The following NOS1AP variants were observed in gnomAD, a reference collection of about 807,000 sequenced individuals.
The protein encoded by NOS1AP is nitric oxide synthase 1 adaptor protein.
NOS1AP carries 21 observed loss-of-function variants against 56.2 expected under a neutral mutation model. The observed-to-expected ratio is 0.37, with a 90% CI of 0.26 to 0.54. NOS1AP has a LOEUF of 0.54. NOS1AP is among the 20% of genes least tolerant of loss of function. The pLI is 0.84. For synonymous variants in NOS1AP, 270 were observed against 274.6 expected (o/e 0.98, Z 0.17); for missense variants, 522 against 657.8 (o/e 0.79, Z 2.26).
Position 162,081,772 on chromosome 1 carries a change from A to AT in NOS1AP, c.105+11491dup, listed in dbSNP as rs1457192130. Among the ~76,000 whole-genome samples the AT allele has an allele frequency of 1.5e-3, 46 of 29,982 alleles. 1 individual carries two copies. The highest frequency in any genetic ancestry group is 4.3e-3 in the African/African-American group (41 of 9,568). 19.7% of individuals were successfully genotyped at this position (29,982 alleles called of 152,430 possible). ...TATCTATAGATATATATATATATAT[A>AT]TATTTTTTTTTTGTAGAGATGGGTT... On this transcript the variant is annotated intron_variant, in intron 1 of 9. Coordinates refer to ENST00000361897, the MANE Select transcript of NOS1AP (RefSeq NM_014697.3).
intron 2 of NOS1AP, among the ~76,000 whole-genome samples, chr1:162,272,710 A>T (rs546225437): frequency 3.3e-5 from 5 of 152,138 alleles, no homozygotes; most frequent in Non-Finnish European, 7.4e-5. Flanking sequence ...CAGAAGGCAG[A>T]GGTGTTCAGA....
At chr1:162,335,227 C>T (rs1360661610) in intron 5 of NOS1AP, among the ~76,000 whole-genome samples, 3 of 152,224 alleles carry the variant, frequency 2.0e-5, no homozygotes, top group African/African-American at 4.8e-5. Context: ...CCTACTGAGA[C>T]CCTAGCTCTT....
chr1:162,318,177 T>G (rs891861715), intron 4 of NOS1AP, among the ~76,000 whole-genome samples: 1 of 152,190 alleles, frequency 6.6e-6, no homozygotes, highest in Non-Finnish European at 1.5e-5. Context: ...GTTTTGTCCC[T>G]TATTTTCTAG....
At chr1:162,364,822 T>G (rs1301622888) in intron 8 of NOS1AP, 1 of 987,866 alleles carries the variant, frequency 1.0e-6, no homozygotes, top group African/African-American at 1.7e-5. Flanking sequence ...GCTGCCTCAC[T>G]AATTTAAAAA....
chr1:162,307,950 A>G (rs1163053592), intron 4 of NOS1AP, among the ~76,000 whole-genome samples: 2 of 152,188 alleles, frequency 1.3e-5, no homozygotes, highest in African/African-American at 2.4e-5. Flanking sequence ...ATGGAGAGGT[A>G]ATGTGTTTTG....
chr1:162,108,745 A>C (rs1033581907), intron 1 of NOS1AP, among the ~76,000 whole-genome samples: 4 of 152,202 alleles, frequency 2.6e-5, no homozygotes, highest in African/African-American at 9.7e-5. Flanking sequence ...CAGGGGGCAG[A>C]GGAATGTGTT....
intron 1 of NOS1AP, among the ~76,000 whole-genome samples, chr1:162,118,996 A>G (rs770649976): frequency 2.6e-5 from 4 of 152,204 alleles, no homozygotes; most frequent in Admixed American, 2.6e-4. Context: ...CTAGGTCCCT[A>G]TGATAAGAGC....
At chr1:162,248,542 T>C (rs1240588620) in intron 2 of NOS1AP, among the ~76,000 whole-genome samples, 2 of 152,206 alleles carry the variant, frequency 1.3e-5, no homozygotes, top group Non-Finnish European at 2.9e-5. Context: ...TGCTCCGCTT[T>C]TACCTGAAAA....
At chr1:162,109,193 T>G (rs1647622367) in intron 1 of NOS1AP, among the ~76,000 whole-genome samples, 2 of 152,144 alleles carry the variant, frequency 1.3e-5, no homozygotes, top group African/African-American at 4.8e-5. Flanking sequence ...TTATTACAGT[T>G]CAAGGTGAGA....
chr1:162,206,401 T>G (rs1652165830), intron 2 of NOS1AP, among the ~76,000 whole-genome samples: 1 of 152,260 alleles, frequency 6.6e-6, no homozygotes, highest in African/African-American at 2.4e-5. Flanking sequence ...AAGTCAAATC[T>G]GTGTCTTCCC....
intron 2 of NOS1AP, among the ~76,000 whole-genome samples, chr1:162,172,087 G>A (rs1377963359): frequency 6.6e-6 from 1 of 152,138 alleles, no homozygotes; most frequent in Non-Finnish European, 1.5e-5. Context: ...GCCTTACTCA[G>A]CCTACCCACT....
intron 4 of NOS1AP, among the ~76,000 whole-genome samples, chr1:162,305,417 C>T (rs1045455946): frequency 2.1e-4 from 32 of 151,210 alleles, no homozygotes; most frequent in African/African-American, 7.6e-4. Context: ...TCCTTTATTA[C>T]AGTATACCTC....
intron 3 of NOS1AP, among the ~76,000 whole-genome samples, chr1:162,299,380 C>T (rs766813265): frequency 2.0e-5 from 3 of 152,034 alleles, no homozygotes; most frequent in Non-Finnish European, 4.4e-5. Context: ...AGGATACATA[C>T]AAAGAAAATT....
At chr1:162,325,926 T>G (rs1362076778) in intron 4 of NOS1AP, among the ~76,000 whole-genome samples, 1 of 151,982 alleles carries the variant, frequency 6.6e-6, no homozygotes, top group Non-Finnish European at 1.5e-5. Flanking sequence ...GATACTGATG[T>G]TGGGAGAACA....
At chr1:162,304,230 C>G (rs1168320393) in intron 4 of NOS1AP, among the ~76,000 whole-genome samples, 2 of 152,114 alleles carry the variant, frequency 1.3e-5, no homozygotes, top group East Asian at 3.9e-4. Context: ...TCCCTCTCTG[C>G]AAATGGATGT....
intron 2 of NOS1AP, among the ~76,000 whole-genome samples, chr1:162,286,005 C>T (rs1198587114): frequency 1.3e-5 from 2 of 152,110 alleles, no homozygotes; most frequent in Non-Finnish European, 2.9e-5. Context: ...AACAGATAGC[C>T]AAGAAGTATC....
At chr1:162,366,974 G>A (rs974439309) in intron 9 of NOS1AP, 78 bp from the exon 10 acceptor site, 8 of 1,563,796 alleles carry the variant, frequency 5.1e-6, no homozygotes, top group Non-Finnish European at 7.0e-6. Context: ...GCAGGGCACG[G>A]GCGGGCAGAA....
chr1:162,159,544 A>G (rs12069336), intron 2 of NOS1AP, among the ~76,000 whole-genome samples: 28,712 of 151,898 alleles, frequency 0.19, 3,234 homozygotes, highest in African/African-American at 0.31. Flanking sequence ...TTTAATAGCT[A>G]GCGCCTTTTT....
In NOS1AP at chr1:162,333,025, A is replaced by T. The variant is rs1656822491; in HGVS notation, c.353A>T (p.Tyr118Phe). 6.2e-7 allele frequency: 1 copy of T among 1,612,124 alleles called. No individual in the cohort carries two copies. The highest frequency in any genetic ancestry group is 8.5e-7 in the Non-Finnish European group (1 of 1,178,204). ...VMQDPIYRIF[Y>F]VSHDSQDLKI... ...TGTTGTTCTTCCTTTAGGATCTTCT[A>T]TGTCTCTCATGATTCCCAAGACTTG... The change falls in exon 5 of 10, where the codon TAT becomes TTT. Residue 118 changes from tyrosine (Y) to phenylalanine (F), a missense_variant. By Grantham distance (22) the Tyr-to-Phe change is conservative. Around this residue, in one of 4 missense-constraint regions of NOS1AP, gnomAD observed 132 missense variants for 218.1 expected, o/e 0.61. Coordinates refer to ENST00000361897, the MANE Select transcript of NOS1AP (RefSeq NM_014697.3).
Sources: allele counts gnomAD v4.1 joint callset (sites outside exome capture counted in the v4.1 genomes callset), GRCh38; gene constraint gnomAD v4.1.1; regional missense constraint gnomAD v4.1.1; transcripts MANE v1.5; gene names NCBI Gene and HGNC (gene_info 2026-07-23, HGNC 2026-07-21).